Variants in ANKRD36C observed in about 807,000 individuals in gnomAD.
The protein encoded by ANKRD36C is ankyrin repeat domain-containing protein 36C.
In ANKRD36C, 61 loss-of-function variants were observed where a neutral mutation model predicts 276.4. The ratio of observed to expected loss-of-function variants is 0.22; its 90% confidence interval spans 0.18 to 0.27. The LOEUF is 0.27. ANKRD36C is among the 10% of genes least tolerant of loss of function. The pLI is 1.00. For missense variants in ANKRD36C, 1,447 were observed against 2,032.3 expected, an observed-to-expected ratio of 0.71 and a Z score of 5.54; for synonymous variants, 483 against 680.1, an observed-to-expected ratio of 0.71 and a Z score of 4.51.
intron 17 of ANKRD36C, among the ~76,000 whole-genome samples, chr2:95,946,850 T>C (rs1237383798): frequency 1.3e-5 from 2 of 151,596 alleles, no homozygotes; most frequent in Non-Finnish European, 1.5e-5. Flanking sequence ...TAGGTGGGAA[T>C]TGAACAATGA....
At chr2:95,868,464 T>C (rs1186071405) in intron 59 of ANKRD36C, among the ~76,000 whole-genome samples, 2 of 152,324 alleles carry the variant, frequency 1.3e-5, no homozygotes, top group East Asian at 3.9e-4. Context: ...ATTTCATCCA[T>C]AGCTACTTCT....
At chr2:95,910,410 T>G in intron 42 of ANKRD36C, 3 of 1,554,676 alleles carry the variant, frequency 1.9e-6, no homozygotes, top group Non-Finnish European at 2.6e-6. Context: ...CTTCTCTGGC[T>G]ATACTCAAAA....
intron 6 of ANKRD36C, among the ~76,000 whole-genome samples, chr2:95,972,122 A>C (rs10874458): frequency 0.082 from 12,549 of 152,180 alleles, 818 homozygotes; most frequent in East Asian, 0.18. Flanking sequence ...CATTCTTAGA[A>C]AGGCCTACAT....
At chr2:95,935,108 C>A (rs1677680018) in intron 24 of ANKRD36C, among the ~76,000 whole-genome samples, 1 of 152,302 alleles carries the variant, frequency 6.6e-6, no homozygotes, top group Admixed American at 6.5e-5. Flanking sequence ...TATAGCTTTT[C>A]TCTAGGTAAA....
At chr2:95,939,662 G>C (rs1573786183) in intron 20 of ANKRD36C, among the ~76,000 whole-genome samples, 1 of 149,678 alleles carries the variant, frequency 6.7e-6, no homozygotes, top group Non-Finnish European at 1.5e-5. Flanking sequence ...CCGAGATCCC[G>C]CCACTGCACT....
chr2:95,948,707 T>A, intron 16 of ANKRD36C, 111 bp from the exon 17 acceptor site: 2 of 931,336 alleles, frequency 2.1e-6, no homozygotes, highest in Non-Finnish European at 3.2e-6. Context: ...TAAAACAAAG[T>A]CTGAGGAAGG....
rs1316351801 is a variant in ANKRD36C, at chr2:95,859,902, C to A, written c.3855G>T (p.Lys1285Asn). ...CTTTTTCCAATTCAAGTGTTTCATGCTTTAACTGCGATTTTATTTCTTCTT... is the reference window on the plus strand; with the variant it reads ...CTTTTTCCAATTCAAGTGTTTCATGATTTAACTGCGATTTTATTTCTTCTT... Residue 1285 changes from lysine to asparagine, a missense_variant, in exon 61 of 67, where the codon AAG becomes AAT. Physicochemically the swap from Lys to Asn is moderately conservative, Grantham distance 94. Transcript: ENST00000456556. 7.1e-6 allele frequency: 11 copies of A among 1,550,188 alleles called. No individual in the cohort carries two copies. The Admixed American group carries it at 9.8e-5, about 14-fold the overall frequency.
At position 95,880,673 on chromosome 2, in the gene ANKRD36C, C is replaced by T. The variant is rs775290953; in HGVS notation, c.3368-50G>A. Reference sequence around the variant, plus strand: ...TCAATCATATGTAAATATGGTAAGGCCAACCATACATTTGTGGAGTGTTAA... The same window carrying T: ...TCAATCATATGTAAATATGGTAAGGTCAACCATACATTTGTGGAGTGTTAA... On this transcript the variant is annotated intron_variant, in intron 56 of 66. Coordinates refer to ENST00000456556, the Ensembl canonical transcript of ANKRD36C. 7 of 1,515,400 alleles carry T rather than the reference C, an allele frequency of 4.6e-6. No homozygotes were observed. The South Asian group carries it at 7.2e-5, about 16-fold the overall frequency. The allele number at this position is 1,515,400 out of a possible 1,614,324, so 93.9% of individuals were successfully genotyped here. A position where few individuals can be genotyped will look rare whatever the true frequency, so the allele number is the denominator to read the frequency against.
At chr2:95,948,020 A>T (rs1417677515) in intron 17 of ANKRD36C, among the ~76,000 whole-genome samples, 1 of 152,060 alleles carries the variant, frequency 6.6e-6, no homozygotes, top group African/African-American at 2.4e-5. Context: ...ATAAAGAAGT[A>T]GCTCTCTGCA....
At chr2:95,876,589 CGCCT>C (rs1370129522) in intron 58 of ANKRD36C, 77 bp from the exon 79 acceptor site, 1 of 731,410 alleles carries the variant, frequency 1.4e-6, no homozygotes. Context: ...CGGTGGCTCA[CGCCT>C]GTAATCCCAG....
In ANKRD36C at chr2:95,880,423, T is replaced by A; in HGVS notation, c.3469+4A>T. On this transcript the variant is annotated splice_donor_region_variant and intron_variant, in intron 58 of 66. Transcript: ENST00000456556. ...CAGAGTTAAATCTACAATGCAAAGTTTACCTGGTGTGGATGTTTGTACATC... is the reference window on the plus strand; with the variant it reads ...CAGAGTTAAATCTACAATGCAAAGTATACCTGGTGTGGATGTTTGTACATC... 6.4e-7 allele frequency: 1 copy of A among 1,551,162 alleles called. No homozygotes were observed. Among genetic ancestry groups the A allele is most frequent in the Non-Finnish European group, 8.7e-7 (1 of 1,147,260 alleles).
At chr2:95,896,883 T>C (rs1177398473) in intron 44 of ANKRD36C, among the ~76,000 whole-genome samples, 1 of 149,516 alleles carries the variant, frequency 6.7e-6, no homozygotes, top group African/African-American at 2.5e-5. Flanking sequence ...CTACGGGTTG[T>C]TACAACAAGC....
chr2:95,979,309 C>T (rs1041208017), intron 5 of ANKRD36C, among the ~76,000 whole-genome samples: 4 of 151,922 alleles, frequency 2.6e-5, no homozygotes, highest in African/African-American at 9.7e-5. Context: ...CTTCACCATG[C>T]TAATTTTCTC....
At chr2:95,980,208 G>C (rs1678889025) in intron 5 of ANKRD36C, among the ~76,000 whole-genome samples, 1 of 152,038 alleles carries the variant, frequency 6.6e-6, no homozygotes, top group Admixed American at 6.6e-5. Flanking sequence ...CTTGGACTTA[G>C]GGAACCCCTT....
chr2:95,974,658 CTT>C (rs1314178709), intron 6 of ANKRD36C, among the ~76,000 whole-genome samples: 1 of 148,650 alleles, frequency 6.7e-6, no homozygotes, highest in African/African-American at 2.5e-5. Flanking sequence ...TAGGCTACTT[CTT>C]TTTTTTTTAT....
intron 34 of ANKRD36C, among the ~76,000 whole-genome samples, 158 bp downstream of exon 36, chr2:95,919,575 C>T (rs2104418949): frequency 7.6e-6 from 1 of 131,924 alleles, no homozygotes; most frequent in Admixed American, 8.0e-5. Context: ...ATTAGCGTCT[C>T]CCAAGAAATT....
chr2:95,872,374 G>A (rs1427748653), intron 59 of ANKRD36C, among the ~76,000 whole-genome samples: 6 of 151,016 alleles, frequency 4.0e-5, no homozygotes, highest in East Asian at 3.9e-4. Context: ...ACTCAAAACC[G>A]CTCAACTACA....
At chr2:95,885,786 C>T (rs1421315067) in intron 52 of ANKRD36C, among the ~76,000 whole-genome samples, 1 of 151,706 alleles carries the variant, frequency 6.6e-6, no homozygotes, top group Non-Finnish European at 1.5e-5. Context: ...TGATGCTGTC[C>T]CCTGAGGCTG....
At chr2:95,848,979 A>C (rs537757740), downstream of ANKRD36C, 10 of 407,950 alleles carry the variant, frequency 2.5e-5, no homozygotes, top group East Asian at 6.8e-4. Context: ...TCACACATTT[A>C]ATGGGAAACA....
Sources: allele counts gnomAD v4.1 joint callset (sites outside exome capture counted in the v4.1 genomes callset), GRCh38; gene constraint gnomAD v4.1.1; transcripts MANE v1.5; gene names NCBI Gene and HGNC (gene_info 2026-07-23, HGNC 2026-07-21).